Variants in HORMAD2 observed in about 807,000 individuals in gnomAD.
The protein encoded by HORMAD2 is HORMA domain containing 2, also known as HORMA domain-containing protein 2.
A neutral mutation model predicts 38.8 loss-of-function variants in HORMAD2; 45 were observed. The observed-to-expected ratio is 1.16, with a 90% CI of 0.91 to 1.49. HORMAD2 has a LOEUF of 1.49. HORMAD2 is among the 40% of genes most tolerant of loss of function. The probability of loss-of-function intolerance (pLI) is 0.00; values close to 1 mark genes in which losing one functional copy is unlikely to be tolerated. For synonymous variants in HORMAD2, 126 were observed against 122.8 expected, an observed-to-expected ratio of 1.03 and a Z score of -0.17; for missense variants, 338 against 367.0, an observed-to-expected ratio of 0.92 and a Z score of 0.65.
intron 7 of HORMAD2, among the ~76,000 whole-genome samples, chr22:30,117,491 TTATTA>T (rs1386276462): frequency 6.6e-6 from 1 of 151,924 alleles, no homozygotes; most frequent in Non-Finnish European, 1.5e-5. Flanking sequence ...TCAGTTTATT[TTATTA>T]TTTCTTTCCT....
chr22:30,159,981 TG>T (rs770706832), intron 10 of HORMAD2, among the ~76,000 whole-genome samples: 7 of 152,138 alleles, frequency 4.6e-5, no homozygotes, highest in Non-Finnish European at 8.8e-5. Context: ...TTGTCAGACA[TG>T]CTCAGCCAGC....
At chr22:30,194,008 A>T in the HORMAD2 span, among the ~76,000 whole-genome samples, 1 of 152,180 alleles carries the variant, frequency 6.6e-6, no homozygotes, top group Non-Finnish European at 1.5e-5. Context: ...TTGGTCACTG[A>T]ATGACTGCAG....
rs2068737604 is a variant in HORMAD2 at position 30,093,966 on chromosome 22, A to C, written c.14A>C (p.Gln5Pro). The C allele has an allele frequency of 6.2e-7, 1 of 1,607,570 alleles. No individual in the cohort carries two copies. The highest frequency in any genetic ancestry group is 8.5e-7 in the Non-Finnish European group (1 of 1,176,098). Reference sequence around the variant, plus strand: ...TACATTCCTACAATGGCCACTGCTCAGCTTTCTCACTGCATCACAATACAC... The same window carrying C: ...TACATTCCTACAATGGCCACTGCTCCGCTTTCTCACTGCATCACAATACAC... MATAQLSHCITIHKA... is the reference protein window; with the variant it reads MATAPLSHCITIHKA... The change falls in exon 2 of 11, where the codon CAG becomes CCG. Residue 5 changes from glutamine (Q) to proline (P), a missense_variant. By Grantham distance (76) the Gln-to-Pro change is moderately conservative. Coordinates refer to ENST00000336726, the MANE Select transcript of HORMAD2 (RefSeq NM_152510.4).
intron 10 of HORMAD2, among the ~76,000 whole-genome samples, chr22:30,173,284 A>T (rs375082325): frequency 9.8e-5 from 15 of 152,354 alleles, no homozygotes; most frequent in South Asian, 4.1e-4. Flanking sequence ...TCAGATCTGC[A>T]TATGAGACTA....
intron 10 of HORMAD2, among the ~76,000 whole-genome samples, chr22:30,136,201 G>A (rs377161164): frequency 6.6e-6 from 1 of 152,146 alleles, no homozygotes; most frequent in Non-Finnish European, 1.5e-5. Flanking sequence ...AACAACATGG[G>A]TGAGTTGCAA....
intron 5 of HORMAD2, among the ~76,000 whole-genome samples, chr22:30,111,303 T>C (rs1040395703): frequency 1.3e-5 from 2 of 151,844 alleles, no homozygotes; most frequent in African/African-American, 4.8e-5. Context: ...CTAGCCAACA[T>C]GGCAAAACCC....
intron 1 of HORMAD2, among the ~76,000 whole-genome samples, chr22:30,090,223 T>C (rs58162368): frequency 0.078 from 11,844 of 151,600 alleles, 544 homozygotes; most frequent in African/African-American, 0.092. Context: ...ATTAGCGAGG[T>C]GTGGTGGCAA....
At chr22:30,188,269 C>T in the HORMAD2 span, among the ~76,000 whole-genome samples, 1 of 151,982 alleles carries the variant, frequency 6.6e-6, no homozygotes, top group Non-Finnish European at 1.5e-5. Flanking sequence ...CTTGGGAGCA[C>T]AAGGAAATTG....
At chr22:30,166,347 G>A (rs1321904212) in intron 10 of HORMAD2, among the ~76,000 whole-genome samples, 1 of 152,102 alleles carries the variant, frequency 6.6e-6, no homozygotes, top group Non-Finnish European at 1.5e-5. Context: ...TAATAAAAAT[G>A]TTCTGTATCT....
At chr22:30,159,996 C>T (rs915936776) in intron 10 of HORMAD2, among the ~76,000 whole-genome samples, 2 of 152,084 alleles carry the variant, frequency 1.3e-5, no homozygotes, top group African/African-American at 4.8e-5. Flanking sequence ...AGCCAGCTGA[C>T]ATGAAGTCCC....
chr22:30,180,828 C>T (rs1448969519), downstream of HORMAD2, among the ~76,000 whole-genome samples: 1 of 148,526 alleles, frequency 6.7e-6, no homozygotes, highest in African/African-American at 2.5e-5. Flanking sequence ...TCCTTTCCCC[C>T]CTTCCCTTCT....
chr22:30,101,272 T>C (rs1283382139), intron 3 of HORMAD2, among the ~76,000 whole-genome samples: 3 of 152,200 alleles, frequency 2.0e-5, no homozygotes, highest in Non-Finnish European at 4.4e-5. Context: ...AATTAGTTCA[T>C]GTCCTTTGTA....
chr22:30,094,311 C>T lies in HORMAD2; in HGVS notation c.51+308C>T, dbSNP rs541762214. Among the ~76,000 whole-genome samples the T allele has an allele frequency of 2.6e-5, 4 of 152,298 alleles. No homozygotes were observed. The South Asian group carries it at 8.3e-4, about 32-fold the overall frequency. On this transcript the variant is annotated intron_variant, in intron 2 of 10. Coordinates refer to ENST00000336726, the MANE Select transcript of HORMAD2 (RefSeq NM_152510.4). ...AGAGAATGGTTCTTGGTTAGACATT[C>T]ACTTCCTAAAGTGTTAGGAAACTTG...
chr22:30,093,850 G>T, intron 1 of HORMAD2, 66 bp from the exon 2 acceptor site: 2 of 690,986 alleles, frequency 2.9e-6, no homozygotes, highest in Non-Finnish European at 4.7e-6. Context: ...TTTCATTTTT[G>T]GGCAGAGTAA....
rs182459243 is a variant in HORMAD2, at chr22:30,158,064, C to G, written c.820-17999C>G. Among the ~76,000 whole-genome samples, 214 of 148,726 alleles carry G rather than the reference C, an allele frequency of 1.4e-3. 1 individual carries two copies. The highest frequency in any genetic ancestry group is 5.1e-3 in the African/African-American group (207 of 40,974). On this transcript the variant is annotated intron_variant, in intron 10 of 10. Coordinates refer to ENST00000336726, the MANE Select transcript of HORMAD2 (RefSeq NM_152510.4). ...TAATTCTTAAGTGTATAAACACTCTCCTAGAGTAGGGCAAAGAAAAAAAAA... is the reference window on the plus strand; with the variant it reads ...TAATTCTTAAGTGTATAAACACTCTGCTAGAGTAGGGCAAAGAAAAAAAAA...
At chr22:30,107,157 T>C (rs185589210) in intron 5 of HORMAD2, among the ~76,000 whole-genome samples, 13 of 152,320 alleles carry the variant, frequency 8.5e-5, no homozygotes, top group Non-Finnish European at 1.6e-4. Context: ...GTGATTCCAC[T>C]CCCAGGGAGG....
rs749299135 is a variant in HORMAD2, at chr22:30,118,997, C to A, written c.360C>A (p.Tyr120Ter). The change falls in exon 8 of 11, where the codon TAC becomes TAA. Residue 120 changes from tyrosine to a stop codon, truncating the protein, a stop_gained. Transcript: ENST00000336726. LOFTEE classifies it high-confidence loss of function. Reference protein sequence around the residue: ...PMGSEKVTEMYQFKFKYTKEG... With the variant: ...PMGSEKVTEM ...TTTTGTAGAAGGTGACTGAGATGTA[C>A]CAGTTCAAATTCAAATACACGAAAG... 20 of 1,587,404 alleles carry A rather than the reference C, an allele frequency of 1.3e-5. No homozygotes were observed. Among genetic ancestry groups the A allele is most frequent in the Non-Finnish European group, 1.5e-5 (18 of 1,165,664 alleles).
the HORMAD2 span, among the ~76,000 whole-genome samples, chr22:30,205,631 G>A: frequency 6.6e-6 from 1 of 152,192 alleles, no homozygotes; most frequent in Non-Finnish European, 1.5e-5. Context: ...TGACCCAGCG[G>A]TGAGGTGATG....
intron 4 of HORMAD2, among the ~76,000 whole-genome samples, chr22:30,103,930 G>A (rs1463944093): frequency 2.6e-5 from 4 of 151,202 alleles, no homozygotes; most frequent in Admixed American, 2.0e-4. Context: ...AAAGTGCTGG[G>A]ACTACAGGTG....
Sources: gnomAD v4.1 joint callset for allele counts (sites outside exome capture counted in the v4.1 genomes callset) on GRCh38, gnomAD v4.1.1 for gene constraint, MANE v1.5 for transcripts, NCBI Gene and HGNC (gene_info 2026-07-23, HGNC 2026-07-21) for gene names.